OBSL1: variants seen among roughly 807,000 people sequenced by gnomAD.
OBSL1 encodes obscurin like cytoskeletal adaptor 1.
A neutral mutation model predicts 172.0 loss-of-function variants in OBSL1; 160 were observed. That is an observed-to-expected ratio of 0.93 (90% CI 0.82 to 1.06). OBSL1 has a LOEUF of 1.06. Among genes scored for constraint, OBSL1 ranks in the 50% least tolerant of loss-of-function variants. The probability of loss-of-function intolerance (pLI) is 0.00; values close to 1 mark genes in which losing one functional copy is unlikely to be tolerated. For synonymous variants in OBSL1, 1,200 were observed against 1,196.3 expected, an observed-to-expected ratio of 1.00 and a Z score of -0.06; for missense variants, 2,681 against 2,715.4, an observed-to-expected ratio of 0.99 and a Z score of 0.28.
intron 8 of OBSL1, among the ~76,000 whole-genome samples, chr2:219,561,078 CAG>C (rs1696428841): frequency 1.3e-5 from 2 of 152,126 alleles, no homozygotes; most frequent in Admixed American, 1.3e-4. Flanking sequence ...ATGATTACGA[CAG>C]GGCAGAATAT....
intron 19 of OBSL1, 110 bp downstream of exon 19, chr2:219,552,002 G>C (rs908078285): frequency 4.8e-5 from 56 of 1,170,072 alleles, no homozygotes. Flanking sequence ...AGCCCCTCGG[G>C]GGGAAGGGAA....
At chr2:219,547,974 C>A (rs200617980), downstream of OBSL1, 675 of 1,587,866 alleles carry the variant, frequency 4.3e-4, 10 homozygotes, top group East Asian at 0.014. Flanking sequence ...CCTGTGCCCC[C>A]ACTCTGCTGG....
chr2:219,551,220 G>A, intron 20 of OBSL1: 1 of 1,389,922 alleles, frequency 7.2e-7, no homozygotes, highest in Non-Finnish European at 9.3e-7. Context: ...GGGAGGAAAG[G>A]AACTGGTAGA....
Position 219,567,893 on chromosome 2 carries a change from TAG to T in OBSL1, c.1357_1358del (p.Leu453ArgfsTer11), listed in dbSNP as rs981908319. ...TCCAGCGTCCCTCGACCCCGGCCTC[TAG>T]AGTTTCCACTAGCAGCACAGCATTC... ...GENAVLLVETLEAGVEGRWSR... is the reference protein window; with the variant it reads ...GENAVLLVETXEAGVEGRWSR... On this transcript the variant is annotated frameshift_variant, in exon 3 of 21. Transcript: ENST00000404537. LOFTEE classifies it high-confidence loss of function. 1.2e-6 allele frequency: 2 copies of T among 1,613,732 alleles called. No individual in the cohort carries two copies. The highest frequency in any genetic ancestry group is 2.7e-5 in the African/African-American group (2 of 74,916).
rs942796420 is a variant in OBSL1, at chr2:219,571,358, T to C, written c.-126A>G. On this transcript the variant is annotated 5_prime_UTR_variant, in exon 1 of 21. Coordinates refer to ENST00000404537, the MANE Select transcript of OBSL1 (RefSeq NM_015311.3). The stretch of plus-strand genomic sequence containing the variant: ...GACTGGGCGCGGGGACCCGCGGAGC[T>C]CTCCCGGGCCTCCCGCTCCCGGCTC... 9.4e-6 allele frequency: 5 copies of C among 532,880 alleles called. No individual in the cohort carries two copies. In the African/African-American group the frequency reaches 1.0e-4, roughly 11 times the overall value. 33.0% of individuals were successfully genotyped at this position (532,880 alleles called of 1,614,324 possible). A position where few individuals can be genotyped will look rare whatever the true frequency, so the allele number is the denominator to read the frequency against.
chr2:219,570,816 C>G lies in OBSL1; in HGVS notation c.417G>C (p.Val139=). 3.4e-6 allele frequency: 5 copies of G among 1,483,072 alleles called. No homozygotes were observed. Among genetic ancestry groups the G allele is most frequent in the Non-Finnish European group, 4.5e-6 (5 of 1,123,208 alleles). The allele number at this position is 1,483,072 out of a possible 1,614,324, so 91.9% of individuals were successfully genotyped here. Residue 139 remains valine, a synonymous_variant, in exon 1 of 21, where the codon GTG becomes GTC. Coordinates refer to ENST00000404537, the MANE Select transcript of OBSL1 (RefSeq NM_015311.3). Reference sequence around the variant, plus strand: ...TCAGCACCACCTCCGCCCCCCGCAGCACCCACTGGGATCGAGGCCCCGTGA... The same window carrying G: ...TCAGCACCACCTCCGCCCCCCGCAGGACCCACTGGGATCGAGGCCCCGTGA... The part of the protein sequence containing the change: ...VFLTGPRSQW[V]LRGAEVVLTC...
In OBSL1 at chr2:219,563,632, G is replaced by T; in HGVS notation, c.2408-5C>A. 6.2e-7 allele frequency: 1 copy of T among 1,609,214 alleles called. No homozygotes were observed. On this transcript the variant is annotated splice_polypyrimidine_tract_variant and splice_region_variant and intron_variant, in intron 6 of 20. Coordinates refer to ENST00000404537, the MANE Select transcript of OBSL1 (RefSeq NM_015311.3). ...CCACGATGTGCACGGGAGGATCTGG[G>T]TGGGAAGCAGAGATGGCATTGCACA... is the stretch of plus-strand genomic sequence containing the variant.
Position 219,562,854 on chromosome 2 carries a change from CA to C in OBSL1, c.2681-181del. The C allele has an allele frequency of 4.4e-6, 3 of 680,918 alleles. No individual in the cohort carries two copies. In the South Asian group the frequency reaches 5.9e-5, roughly 13 times the overall value. 42.2% of individuals were successfully genotyped at this position (680,918 alleles called of 1,614,324 possible). On this transcript the variant is annotated intron_variant, in intron 7 of 20. Coordinates refer to ENST00000404537, the MANE Select transcript of OBSL1 (RefSeq NM_015311.3). ...TAGAGACACACGAATACAGCTGTCA[CA>C]AAAGCACAGCAGACTTTCTGCTGCG... is the stretch of plus-strand genomic sequence containing the variant.
chr2:219,552,949 G>T lies in OBSL1; in HGVS notation c.5065C>A (p.Arg1689Ser). 2 of 1,534,880 alleles carry T rather than the reference G, an allele frequency of 1.3e-6. No homozygotes were observed. Among genetic ancestry groups the T allele is most frequent in the Non-Finnish European group, 1.7e-6 (2 of 1,144,156 alleles). Residue 1689 changes from arginine (R) to serine (S), a missense_variant, in exon 17 of 21, where the codon CGC (arginine) becomes AGC (serine). This residue lies in a region of OBSL1 where 1,765 missense variants were observed against 1,748.3 expected (regional missense o/e 1.01). Coordinates refer to ENST00000404537, the MANE Select transcript of OBSL1 (RefSeq NM_015311.3). ...LGTRRLLQLR[R>S]CGPSDAGTYS... Reference sequence around the variant, plus strand: ...GTCCCGGCGTCCGAGGGGCCGCAGCGTCGCAGCTGGAGAAGGCGGCGCGTG... The same window carrying T: ...GTCCCGGCGTCCGAGGGGCCGCAGCTTCGCAGCTGGAGAAGGCGGCGCGTG...
Position 219,552,997 on chromosome 2 carries a change from G to T in OBSL1, c.5017C>A (p.Arg1673=). The T allele has an allele frequency of 6.6e-7, 1 of 1,523,768 alleles. No homozygotes were observed. The highest frequency in any genetic ancestry group is 8.8e-7 in the Non-Finnish European group (1 of 1,141,016). The allele number at this position is 1,523,768 out of a possible 1,614,324, so 94.4% of individuals were successfully genotyped here. A position where few individuals can be genotyped will look rare whatever the true frequency, so the allele number is the denominator to read the frequency against. The change falls in exon 17 of 21, where the codon CGG becomes AGG. Residue 1673 remains arginine (R), a synonymous_variant. Transcript: ENST00000404537. ...KDGNALTPSP[R]LRLQALGTRR... ...GTGCCGAGGGCCTGGAGCCGGAGCC[G>T]CGGGCTAGGCGTAAGCGCGTTCCCG...
In OBSL1 at chr2:219,553,600, C is replaced by G; in HGVS notation, c.4963G>C (p.Ala1655Pro). The change falls in exon 16 of 21, where the codon GCT becomes CCT. Residue 1655 changes from alanine to proline, a missense_variant. Ala to Pro is a conservative substitution (Grantham distance 27, BLOSUM62 -1). This residue lies in a region of OBSL1 where 1,765 missense variants were observed against 1,748.3 expected (regional missense o/e 1.01). Transcript: ENST00000404537. ...TTCTCCCAGGTAACATCAGCCAAAG[C>G]TTGGGAAAGCTCGCACTCGAACGTA... ...TATFECELSQALADVTWEKDG... is the reference protein window; with the variant it reads ...TATFECELSQPLADVTWEKDG... The G allele has an allele frequency of 6.2e-7, 1 of 1,613,858 alleles. No homozygotes were observed.
Position 219,571,056 on chromosome 2 carries a change from G to C in OBSL1, c.177C>G (p.Ser59Arg). 6.8e-7 allele frequency: 1 copy of C among 1,461,680 alleles called. No homozygotes were observed. The highest frequency in any genetic ancestry group is 1.3e-5 in the South Asian group (1 of 76,846). 90.5% of individuals were successfully genotyped at this position (1,461,680 alleles called of 1,614,324 possible). Residue 59 changes from serine (S) to arginine (R), a missense_variant, in exon 1 of 21, where the codon AGC becomes AGG. Physicochemically the swap from Ser to Arg is moderately radical, Grantham distance 110. Coordinates refer to ENST00000404537, the MANE Select transcript of OBSL1 (RefSeq NM_015311.3). Reference protein sequence around the residue: ...GQQLAASERLSFPADGAEHGL... With the variant: ...GQQLAASERLRFPADGAEHGL... ...CGTGCTCCGCGCCGTCCGCCGGGAA[G>C]CTCAGGCGTTCCGAGGCCGCCAGCT...
rs763782583 is a variant in OBSL1 at position 219,554,515 on chromosome 2, G to A, written c.4835C>T (p.Thr1612Ile). The part of the protein sequence containing the change: ...GLADSGCVSF[T>I]ADSLRCAARL... ...GGCTGCGCAGCGCAGGGAATCCGCT[G>A]TGAAGGAGACACAGCCTGAGTCGGC... is the stretch of plus-strand genomic sequence containing the variant. The change falls in exon 15 of 21, where the codon ACA (threonine) becomes ATA (isoleucine). Residue 1612 changes from threonine (T) to isoleucine (I), a missense_variant. Physicochemically the swap from Thr to Ile is moderately conservative, Grantham distance 89. Around this residue, in one of 5 missense-constraint regions of OBSL1, gnomAD observed 1,765 missense variants for 1,748.3 expected, o/e 1.01. Transcript: ENST00000404537. 2.9e-5 allele frequency: 47 copies of A among 1,613,278 alleles called. No homozygotes were observed. Among genetic ancestry groups the A allele is most frequent in the South Asian group, 2.3e-4 (21 of 91,090 alleles).
chr2:219,558,654 C>T (rs1574542435), intron 9 of OBSL1, among the ~76,000 whole-genome samples, 195 bp from the exon 10 acceptor site: 1 of 152,234 alleles, frequency 6.6e-6, no homozygotes, highest in Non-Finnish European at 1.5e-5. Context: ...ACTCTGACCA[C>T]CCTCAAGAGG....
chr2:219,565,272 C>A lies in OBSL1; in HGVS notation c.2377G>T (p.Val793Phe). 6.2e-7 allele frequency: 1 copy of A among 1,612,636 alleles called. No individual in the cohort carries two copies. Among genetic ancestry groups the A allele is most frequent in the Non-Finnish European group, 8.5e-7 (1 of 1,178,814 alleles). ...ACAGTGACGCCGAAGAAGGCCGAGA[C>A]CCCTTCTGTCCTGCACTCAAACTCG... The part of the protein sequence containing the change: ...SGEFECRTEG[V>F]SAFFGVTVQD... The change falls in exon 6 of 21, where the codon GTC (valine) becomes TTC (phenylalanine). Residue 793 changes from valine to phenylalanine, a missense_variant. Transcript: ENST00000404537.
intron 17 of OBSL1, 32 bp from the exon 18 acceptor site, chr2:219,552,729 G>A (rs753025461): frequency 1.4e-5 from 21 of 1,514,392 alleles, no homozygotes; most frequent in Non-Finnish European, 1.6e-5. Flanking sequence ...GAGCGGGGCG[G>A]GGCAGAGGGC....
chr2:219,568,414 T>A lies in OBSL1; in HGVS notation c.1013-90A>T. 7.8e-7 allele frequency: 1 copy of A among 1,276,516 alleles called. No individual in the cohort carries two copies. The highest frequency in any genetic ancestry group is 1.1e-6 in the Non-Finnish European group (1 of 942,742). 79.1% of individuals were successfully genotyped at this position (1,276,516 alleles called of 1,614,324 possible). On this transcript the variant is annotated intron_variant, in intron 1 of 20. Transcript: ENST00000404537. This position sits in a 1 kb window ranked among gnomAD's most constrained non-coding sequence, Gnocchi z 4.1. ...CCTAGAAGCGCATTAGCTCATGCTG[T>A]GTGCTCTTCATGCAGAGCCAGCGGG...
Position 219,570,232 on chromosome 2 carries a change from AGCTGCACGGCACTGAGCGTCTGGCCC to A in OBSL1, c.975_1000del (p.Gly326AlafsTer20). On this transcript the variant is annotated frameshift_variant, in exon 1 of 21. Coordinates refer to ENST00000404537, the MANE Select transcript of OBSL1 (RefSeq NM_015311.3). LOFTEE classifies it high-confidence loss of function. ...GGGCTCCGCCGTACCTTTCACGTGC[AGCTGCACGGCACTGAGCGTCTGGCCC>A]GCCGAGTTGCGCGCGGCGCAGACGT... is the stretch of plus-strand genomic sequence containing the variant. The A allele has an allele frequency of 6.4e-7, 1 of 1,563,396 alleles. No homozygotes were observed. The highest frequency in any genetic ancestry group is 8.7e-7 in the Non-Finnish European group (1 of 1,152,678).
chr2:219,551,300 C>T (rs1341186765), intron 20 of OBSL1: 18 of 1,408,058 alleles, frequency 1.3e-5, no homozygotes, highest in African/African-American at 8.7e-5. Flanking sequence ...CAAGAAGGGG[C>T]GTAGAAAGGT....
Sources: gnomAD v4.1 joint callset for allele counts (sites outside exome capture counted in the v4.1 genomes callset) on GRCh38, gnomAD v4.1.1 for gene constraint, gnomAD v4.1.1 regional missense constraint, Gnocchi (gnomAD v3.1) non-coding constraint, MANE v1.5 for transcripts, NCBI Gene and HGNC (gene_info 2026-07-23, HGNC 2026-07-21) for gene names.